XDH: variants seen among roughly 807,000 people sequenced by gnomAD.
XDH encodes xanthine dehydrogenase.
Under a neutral mutation model 156.1 loss-of-function variants are expected in XDH, and 138 were observed. The ratio of observed to expected loss-of-function variants is 0.88; its 90% CI spans 0.77 to 1.02. XDH has a LOEUF of 1.02. Among genes scored for constraint, XDH ranks in the 50% least tolerant of loss-of-function variants. XDH has a pLI of 0.00. For missense variants in XDH, 1,849 were observed against 1,684.9 expected, an observed-to-expected ratio of 1.10 and a Z score of -1.71; for synonymous variants, 669 against 625.7, an observed-to-expected ratio of 1.07 and a Z score of -1.03.
rs147253350 is a variant in XDH, at chr2:31,339,499, T to A, written c.3764A>T (p.Tyr1255Phe). The A allele has an allele frequency of 1.2e-4, 200 of 1,614,106 alleles. No individual in the cohort carries two copies. The African/African-American group carries it at 2.5e-3, about 20-fold the overall frequency. Residue 1255 changes from tyrosine (Y) to phenylalanine (F), a missense_variant, in exon 34 of 36, where the codon TAT (tyrosine) becomes TTT (phenylalanine). By Grantham distance (22) the Tyr-to-Phe change is conservative. Transcript: ENST00000379416. ...CCAGAGCAATGGTACCTTCGATGCA[T>A]AGATGGCCTTCTTGTTGGGGCAGTC... is the stretch of plus-strand genomic sequence containing the variant. ...LRDCPNKKAI[Y>F]ASKAVGEPPL...
intron 8 of XDH, among the ~76,000 whole-genome samples, chr2:31,386,982 GGGAAGAAAGGAAGGAA>G (rs1315925844): frequency 1.2e-5 from 1 of 81,200 alleles, no homozygotes; most frequent in African/African-American, 4.9e-5. Context: ...GAGGGAGGGA[GGGAAGAAAGGAAGGAA>G]GGAAGGAAGG....
chr2:31,390,940 C>G lies in XDH; in HGVS notation c.496-2645G>C, dbSNP rs186727458. ...GTGTCTTTTGCAAATATTTTTCTCC[C>G]AGTGTACCGCTTGTCTCCTCATTCA... On this transcript the variant is annotated intron_variant, in intron 6 of 35. Transcript: ENST00000379416. Among the ~76,000 whole-genome samples, 10 of 152,224 alleles carry G rather than the reference C, an allele frequency of 6.6e-5. No individual in the cohort carries two copies. The East Asian group carries it at 1.9e-3, about 29-fold the overall frequency.
Position 31,342,228 on chromosome 2 carries a change from C to T in XDH, c.3474G>A (p.Val1158=). Residue 1158 remains valine (V), a synonymous_variant, in exon 32 of 36, where the codon GTG becomes GTA. Transcript: ENST00000379416. ...AGTCGATTTCTACTTCAGAGCAAGCCACCCCATAGCTGAAGTAGTGGAAGG... is the reference window on the plus strand; with the variant it reads ...AGTCGATTTCTACTTCAGAGCAAGCTACCCCATAGCTGAAGTAGTGGAAGG... The part of the protein sequence containing the change: ...GNPFHYFSYG[V]ACSEVEIDCL... The T allele has an allele frequency of 6.2e-7, 1 of 1,614,156 alleles. No homozygotes were observed.
At chr2:31,365,955 G>A in intron 22 of XDH, 21 bp downstream of exon 22, 1 of 1,614,184 alleles carries the variant, frequency 6.2e-7, no homozygotes, top group Non-Finnish European at 8.5e-7. Context: ...CCAGATGGGA[G>A]AAACAGGCTT....
chr2:31,374,722 C>T (rs1040027219), intron 15 of XDH, among the ~76,000 whole-genome samples: 2 of 152,196 alleles, frequency 1.3e-5, no homozygotes, highest in African/African-American at 4.8e-5. Flanking sequence ...CCTCCACACT[C>T]CATCTCTGCA....
intron 12 of XDH, 60 bp downstream of exon 12, chr2:31,381,573 T>A: frequency 6.5e-7 from 1 of 1,549,866 alleles, no homozygotes; most frequent in African/African-American, 1.4e-5. Flanking sequence ...AAATGACCTA[T>A]CTGGTGAGAC....
At position 31,377,126 on chromosome 2, in the gene XDH, G is replaced by C; in HGVS notation, c.1354C>G (p.Leu452Val). 1 of 1,614,144 alleles carries C rather than the reference G, an allele frequency of 6.2e-7. No individual in the cohort carries two copies. The highest frequency in any genetic ancestry group is 8.5e-7 in the Non-Finnish European group (1 of 1,180,028). Residue 452 changes from leucine (L) to valine (V), a missense_variant, in exon 14 of 36, where the codon CTG becomes GTG. By Grantham distance (32) the Leu-to-Val change is conservative. Transcript: ENST00000379416. ...FKPGTTEVQE[L>V]ALCYGGMANR... ...GCCATTCCACCATAGCAAAGGGCCAGCTCCTGTACCTCTGTGGTTCCTGGC... is the reference window on the plus strand; with the variant it reads ...GCCATTCCACCATAGCAAAGGGCCACCTCCTGTACCTCTGTGGTTCCTGGC...
At chr2:31,411,320 A>ATAAGAGC (rs1217875748) in intron 1 of XDH, among the ~76,000 whole-genome samples, 1 of 151,378 alleles carries the variant, frequency 6.6e-6, no homozygotes, top group East Asian at 1.9e-4. Flanking sequence ...TATTCTTAGG[A>ATAAGAGC]TAAGAGCTAA....
chr2:31,373,713 T>C (rs1238139671), intron 16 of XDH, among the ~76,000 whole-genome samples, 160 bp downstream of exon 16: 1 of 152,154 alleles, frequency 6.6e-6, no homozygotes, highest in Admixed American at 6.5e-5. Context: ...TTAACATCTA[T>C]ACGATTCCCA....
At chr2:31,404,022 C>A (rs548618010) in intron 2 of XDH, among the ~76,000 whole-genome samples, 6 of 152,124 alleles carry the variant, frequency 3.9e-5, no homozygotes, top group African/African-American at 1.2e-4. Flanking sequence ...CACCTAGATA[C>A]CTGTTTGACC....
chr2:31,398,534 T>A, intron 5 of XDH, 39 bp downstream of exon 5: 1 of 1,613,036 alleles, frequency 6.2e-7, no homozygotes, highest in Non-Finnish European at 8.5e-7. Flanking sequence ...GGGCCTCGTT[T>A]GCCATTCCAC....
intron 29 of XDH, 138 bp downstream of exon 29, chr2:31,347,384 T>A (rs370297404): frequency 7.7e-7 from 1 of 1,306,504 alleles, no homozygotes. Context: ...AACAGCATCC[T>A]CCTGGATAAG....
chr2:31,351,931 G>A (rs1243041988), intron 24 of XDH, among the ~76,000 whole-genome samples: 1 of 152,042 alleles, frequency 6.6e-6, no homozygotes, highest in Non-Finnish European at 1.5e-5. Flanking sequence ...TCTTCTCTTT[G>A]TCCTCAGGTT....
intron 5 of XDH, among the ~76,000 whole-genome samples, chr2:31,398,123 T>C (rs1686957982): frequency 2.0e-5 from 3 of 152,162 alleles, no homozygotes. Context: ...ACTGAATAAA[T>C]GATGGAAATG....
intron 3 of XDH, 98 bp downstream of exon 3, chr2:31,402,950 C>A (rs564757063): frequency 1.5e-6 from 2 of 1,300,258 alleles, no homozygotes; most frequent in African/African-American, 1.4e-5. Context: ...CTCACACATG[C>A]GCACATGCAC....
At chr2:31,349,113 C>T (rs1017363607) in intron 26 of XDH, 133 bp from the exon 27 acceptor site, 1 of 826,592 alleles carries the variant, frequency 1.2e-6, no homozygotes, top group Admixed American at 2.0e-5. Context: ...TGGTGCACAG[C>T]CCACACCAGG....
intron 5 of XDH, among the ~76,000 whole-genome samples, chr2:31,397,947 C>A (rs1163824156): frequency 6.6e-6 from 1 of 152,188 alleles, no homozygotes; most frequent in Non-Finnish European, 1.5e-5. Flanking sequence ...TCCTAGAATG[C>A]CCAGACTGAG....
In XDH at chr2:31,397,595, C is replaced by T. The variant is rs546766844; in HGVS notation, c.495+73G>A. 6 of 1,583,038 alleles carry T rather than the reference C, an allele frequency of 3.8e-6. No individual in the cohort carries two copies. In the African/African-American group the frequency reaches 8.1e-5, roughly 21 times the overall value. On this transcript the variant is annotated intron_variant, in intron 6 of 35. Transcript: ENST00000379416. Reference sequence around the variant, plus strand: ...TTTGTAGACCAGAGGCCCTTGGTCTCCCTCCCCACAGTGATTTCTGAGTGT... The same window carrying T: ...TTTGTAGACCAGAGGCCCTTGGTCTTCCTCCCCACAGTGATTTCTGAGTGT...
chr2:31,357,777 G>T lies in XDH; in HGVS notation c.2631+6381C>A, dbSNP rs192619031. ...ATAGATATTGACGTTACCCTGATTT[G>T]TTTATCCTGATACACTGTATGCCTG... On this transcript the variant is annotated intron_variant, in intron 24 of 35. Transcript: ENST00000379416. Among the ~76,000 whole-genome samples the T allele has an allele frequency of 1.2e-3, 188 of 152,036 alleles. 1 individual carries two copies. The highest frequency in any genetic ancestry group is 3.1e-4 in the Non-Finnish European group (21 of 67,950).
Sources: gnomAD v4.1 joint callset for allele counts (sites outside exome capture counted in the v4.1 genomes callset) on GRCh38, gnomAD v4.1.1 for gene constraint, MANE v1.5 for transcripts, NCBI Gene and HGNC (gene_info 2026-07-23, HGNC 2026-07-21) for gene names.